The following RNF44 variants were observed in gnomAD, a reference collection of about 807,000 sequenced individuals.
The protein encoded by RNF44 is ring finger protein 44.
In RNF44, 25 loss-of-function variants were observed where a neutral mutation model predicts 53.6. The ratio of observed to expected loss-of-function variants is 0.47; its 90% CI spans 0.34 to 0.65. The LOEUF (loss-of-function observed/expected upper bound fraction) is 0.65, where lower values mean the gene tolerates loss of function less well. RNF44 is among the 30% of genes least tolerant of loss of function. The pLI, the probability that RNF44 is intolerant of heterozygous loss-of-function variation, is 0.01. For missense variants in RNF44, 581 were observed against 595.5 expected, an observed-to-expected ratio of 0.98 and a Z score of 0.25; for synonymous variants, 282 against 252.2, an observed-to-expected ratio of 1.12 and a Z score of -1.12.
intron 1 of RNF44, among the ~76,000 whole-genome samples, chr5:176,533,992 C>G (rs192838593): frequency 6.6e-6 from 1 of 152,220 alleles, no homozygotes; most frequent in Non-Finnish European, 1.5e-5. Flanking sequence ...GCCAGTGTAA[C>G]TGTCAGCTCA....
In RNF44 at chr5:176,531,639, G is replaced by A. The variant is rs545276551; in HGVS notation, c.298-9C>T. The A allele has an allele frequency of 5.0e-6, 8 of 1,596,596 alleles. No individual in the cohort carries two copies. In the African/African-American group the frequency reaches 6.7e-5, roughly 13 times the overall value. Reference sequence around the variant, plus strand: ...ACAGGTCCCTGGTGCACCTGTGGGTGGAGAGAACGCCGGGAAAGTATGAAA... The same window carrying A: ...ACAGGTCCCTGGTGCACCTGTGGGTAGAGAGAACGCCGGGAAAGTATGAAA... On this transcript the variant is annotated splice_polypyrimidine_tract_variant and intron_variant, in intron 3 of 10. Coordinates refer to ENST00000274811, the MANE Select transcript of RNF44 (RefSeq NM_014901.5). This position sits in a 1 kb window ranked among gnomAD's most constrained non-coding sequence, Gnocchi z 4.2.
chr5:176,529,428 A>G (rs1234279429), intron 9 of RNF44, 41 bp from the exon 10 acceptor site: 8 of 1,603,856 alleles, frequency 5.0e-6, no homozygotes, highest in Non-Finnish European at 6.8e-6. Flanking sequence ...GCTGAGGGCC[A>G]TGGGAAGGCT....
At position 176,537,013 on chromosome 5, in the gene RNF44, A is replaced by AGGGGGGGGGGG. The variant is rs61169311; in HGVS notation, c.-119_-118insCCCCCCCCCCC. 5 of 77,474 alleles carry AGGGGGGGGGGG rather than the reference A, an allele frequency of 6.5e-5. No individual in the cohort carries two copies. Among genetic ancestry groups the AGGGGGGGGGGG allele is most frequent in the Non-Finnish European group, 7.5e-5 (3 of 39,958 alleles). 4.8% of individuals were successfully genotyped at this position (77,474 alleles called of 1,614,324 possible). On this transcript the variant is annotated 5_prime_UTR_variant, in exon 1 of 11. Transcript: ENST00000274811. ...GGCCAAACTGGGCAGGGGGCGGGGG[A>AGGGGGGGGGGG]GGGGGGGGGTGCCTGTCTGGATCCT...
chr5:176,542,073 G>C (rs920912386), upstream of RNF44, among the ~76,000 whole-genome samples: 9 of 152,232 alleles, frequency 5.9e-5, no homozygotes, highest in African/African-American at 2.2e-4. Context: ...CGTCTGGAGA[G>C]GTGCTCCCCG....
upstream of RNF44, among the ~76,000 whole-genome samples, chr5:176,542,104 C>T (rs142317961): frequency 0.015 from 2,228 of 152,328 alleles, 84 homozygotes; most frequent in Admixed American, 0.087. Context: ...TGGCCCTCAG[C>T]ACTCGGGCTC....
chr5:176,530,814 A>G, intron 5 of RNF44, 34 bp downstream of exon 5: 1 of 1,440,302 alleles, frequency 6.9e-7, no homozygotes, highest in Non-Finnish European at 9.1e-7. Flanking sequence ...CCCCCACGCC[A>G]TCTCCCTCCA....
intron 1 of RNF44, chr5:176,536,047 C>T (rs1561855151): frequency 6.6e-6 from 1 of 152,238 alleles, no homozygotes; most frequent in African/African-American, 2.4e-5. Flanking sequence ...AGAGACACTC[C>T]CTTTTGCAGA....
At chr5:176,534,795 G>C (rs1334932408) in intron 1 of RNF44, among the ~76,000 whole-genome samples, 1 of 152,242 alleles carries the variant, frequency 6.6e-6, no homozygotes, top group African/African-American at 2.4e-5. Flanking sequence ...CCAAGGCTCA[G>C]AGAGGTGAGG....
Position 176,532,656 on chromosome 5 carries a change from T to A in RNF44, c.-44-140A>T, listed in dbSNP as rs550954861. 6.1e-4 allele frequency: 365 copies of A among 599,954 alleles called. 1 individual carries two copies. In the African/African-American group the frequency reaches 7.1e-3, roughly 12 times the overall value. 37.2% of individuals were successfully genotyped at this position (599,954 alleles called of 1,614,324 possible). A position where few individuals can be genotyped will look rare whatever the true frequency, so the allele number is the denominator to read the frequency against. On this transcript the variant is annotated intron_variant, in intron 1 of 10. Transcript: ENST00000274811. ...TACTTGGGAGGCTGAGGCATGAGAA[T>A]CGCTTGAACCCGGGAGGCGGAGGTT...
rs1179683337 is a variant in RNF44 at position 176,531,987 on chromosome 5, G to GA, written c.297+16dup. ...GGCTCACAGGGCCAGGGGCACAGGG[G>GA]ATGGGGTTCTGCCTACCTGCTCGTG... On this transcript the variant is annotated intron_variant, in intron 3 of 10. Transcript: ENST00000274811. This position sits in a 1 kb window ranked among gnomAD's most constrained non-coding sequence, Gnocchi z 4.2. 6 of 1,601,766 alleles carry GA rather than the reference G, an allele frequency of 3.7e-6. No individual in the cohort carries two copies. The South Asian group carries it at 6.7e-5, about 18-fold the overall frequency.
chr5:176,543,321 C>A, the RNF44 span, among the ~76,000 whole-genome samples: 3 of 147,404 alleles, frequency 2.0e-5, no homozygotes, highest in African/African-American at 7.3e-5. The surrounding 1 kb of genome is among the most constrained non-coding windows in gnomAD (Gnocchi z 4.0). Flanking sequence ...CCGCTGCAGC[C>A]CAGGCTCGCG....
chr5:176,534,741 G>A (rs984489104), intron 1 of RNF44, among the ~76,000 whole-genome samples: 8 of 152,214 alleles, frequency 5.3e-5, no homozygotes, highest in African/African-American at 1.9e-4. Context: ...TTTCCCCGGC[G>A]CCAACTTGGT....
Position 176,528,812 on chromosome 5 carries a change from C to T in RNF44, c.*216G>A, listed in dbSNP as rs1405750341. ...CTCAGGCAGCTCCGTGGCGGGCGGG[C>T]AGGCAGGCAGACTAGGGAGGGAGTC... On this transcript the variant is annotated 3_prime_UTR_variant, in exon 11 of 11. Coordinates refer to ENST00000274811, the MANE Select transcript of RNF44 (RefSeq NM_014901.5). 9.3e-6 allele frequency: 5 copies of T among 536,978 alleles called. No individual in the cohort carries two copies. Among genetic ancestry groups the T allele is most frequent in the African/African-American group, 5.9e-5 (3 of 50,628 alleles). 33.3% of individuals were successfully genotyped at this position (536,978 alleles called of 1,614,324 possible).
chr5:176,543,287 C>A, the RNF44 span, among the ~76,000 whole-genome samples: 12 of 146,426 alleles, frequency 8.2e-5, no homozygotes, highest in Admixed American at 7.4e-4. The surrounding 1 kb of genome is among the most constrained non-coding windows in gnomAD (Gnocchi z 4.0). Context: ...GCTCCACCCC[C>A]ACCCGGCGGC....
At chr5:176,539,874 CCT>C (rs575540440), upstream of RNF44, among the ~76,000 whole-genome samples, 61 of 152,308 alleles carry the variant, frequency 4.0e-4, no homozygotes, top group South Asian at 5.2e-3. Context: ...CCCAGTCCCT[CCT>C]CTCACACCAT....
At chr5:176,530,004 G>A in intron 7 of RNF44, 78 bp downstream of exon 7, 3 of 1,479,840 alleles carry the variant, frequency 2.0e-6, no homozygotes, top group East Asian at 4.7e-5. Flanking sequence ...GGCCCCTGGA[G>A]CTGTGTTTAG....
rs758266113 is a variant in RNF44, at chr5:176,532,157, G to C, written c.144C>G (p.Ala48=). The C allele has an allele frequency of 6.4e-7, 1 of 1,557,518 alleles. No individual in the cohort carries two copies. The highest frequency in any genetic ancestry group is 1.2e-5 in the South Asian group (1 of 83,406). Reference sequence around the variant, plus strand: ...GCTGGGAGGGTAAGCGCTCATCCCGGGCAGGCGGGCTGGCCAGGGGGCCCT... The same window carrying C: ...GCTGGGAGGGTAAGCGCTCATCCCGCGCAGGCGGGCTGGCCAGGGGGCCCT... The part of the protein sequence containing the change: ...GLEGPLASPP[A]RDERLPSQQP... The change falls in exon 3 of 11, where the codon GCC becomes GCG. Residue 48 remains alanine, a synonymous_variant. Coordinates refer to ENST00000274811, the MANE Select transcript of RNF44 (RefSeq NM_014901.5).
At chr5:176,541,737 C>A (rs1181307996), upstream of RNF44, among the ~76,000 whole-genome samples, 18 of 152,158 alleles carry the variant, frequency 1.2e-4, no homozygotes, top group Admixed American at 1.2e-3. Context: ...CCCTCGGAGT[C>A]AGAAAGTACC....
chr5:176,529,466 G>A (rs1409142501), intron 9 of RNF44, 57 bp downstream of exon 9: 10 of 1,608,208 alleles, frequency 6.2e-6, no homozygotes, highest in South Asian at 1.1e-5. Context: ...CCTGAGAGGG[G>A]CGTCCCACGG....
Sources: gnomAD v4.1 joint callset for allele counts (sites outside exome capture counted in the v4.1 genomes callset) on GRCh38, gnomAD v4.1.1 for gene constraint, Gnocchi (gnomAD v3.1) non-coding constraint, MANE v1.5 for transcripts, NCBI Gene and HGNC (gene_info 2026-07-23, HGNC 2026-07-21) for gene names.